RPS6KC1: variants seen among roughly 807,000 people sequenced by gnomAD.
The protein encoded by RPS6KC1 is inactive ribosomal protein S6 kinase delta-1.
Under a neutral mutation model 103.8 loss-of-function variants are expected in RPS6KC1, and 54 were observed. That is an observed-to-expected ratio of 0.52 (90% CI 0.42 to 0.65). The LOEUF (loss-of-function observed/expected upper bound fraction) is 0.65. RPS6KC1 is among the 30% of genes least tolerant of loss of function. The pLI is 0.00. For synonymous variants in RPS6KC1, 439 were observed against 438.7 expected (o/e 1.00, Z -0.01); for missense variants, 1,151 against 1,253.8 (o/e 0.92, Z 1.24).
At chr1:213,728,790 T>C in the RPS6KC1 span, among the ~76,000 whole-genome samples, 1 of 152,056 alleles carries the variant, frequency 6.6e-6, no homozygotes, top group African/African-American at 2.4e-5. Flanking sequence ...CTCCGCGCTC[T>C]TGGCTTTCCA....
intron 6 of RPS6KC1, among the ~76,000 whole-genome samples, chr1:213,157,312 A>G (rs1344160029): frequency 1.3e-5 from 2 of 150,398 alleles, no homozygotes; most frequent in African/African-American, 4.9e-5. Context: ...CTCCTGCCTC[A>G]TCTCCTGCCT....
intron 12 of RPS6KC1, among the ~76,000 whole-genome samples, chr1:213,244,388 A>G (rs2148966880): frequency 6.6e-6 from 1 of 152,294 alleles, no homozygotes; most frequent in South Asian, 2.1e-4. Flanking sequence ...CCATATAACA[A>G]AACAAAACCA....
chr1:213,603,478 T>G, the RPS6KC1 span, among the ~76,000 whole-genome samples: 1 of 152,196 alleles, frequency 6.6e-6, no homozygotes, highest in African/African-American at 2.4e-5. Flanking sequence ...TTTTTTATCC[T>G]TCCTAATTCC....
intron 1 of RPS6KC1, among the ~76,000 whole-genome samples, chr1:213,060,456 A>G (rs2077729323): frequency 6.6e-6 from 1 of 152,228 alleles, no homozygotes; most frequent in Non-Finnish European, 1.5e-5. Context: ...TTTTTGAAAA[A>G]TGGCTCTCAA....
intron 5 of RPS6KC1, among the ~76,000 whole-genome samples, chr1:213,126,474 A>C (rs1167369574): frequency 6.6e-6 from 1 of 152,142 alleles, no homozygotes; most frequent in African/African-American, 2.4e-5. Flanking sequence ...ACAGGGTGCC[A>C]AAGCAGCATC....
chr1:213,317,464 C>T, the RPS6KC1 span, among the ~76,000 whole-genome samples: 12 of 152,218 alleles, frequency 7.9e-5, no homozygotes, highest in Admixed American at 3.3e-4. Flanking sequence ...AGCTCTTTCA[C>T]GTCTCAAGGA....
the RPS6KC1 span, among the ~76,000 whole-genome samples, chr1:213,431,090 A>G: frequency 6.6e-6 from 1 of 152,166 alleles, no homozygotes; most frequent in African/African-American, 2.4e-5. Context: ...CTCAAGTCAA[A>G]AACTGTGTGG....
the RPS6KC1 span, among the ~76,000 whole-genome samples, chr1:213,681,217 C>T: frequency 6.6e-6 from 1 of 152,190 alleles, no homozygotes. Context: ...CCAACCATGT[C>T]TTGAATCTCA....
At chr1:213,517,583 G>C in the RPS6KC1 span, among the ~76,000 whole-genome samples, 26 of 152,154 alleles carry the variant, frequency 1.7e-4, no homozygotes, top group Admixed American at 9.2e-4. Flanking sequence ...ATTGCACTGT[G>C]GTCTGAGAGA....
At chr1:213,669,249 C>T in the RPS6KC1 span, among the ~76,000 whole-genome samples, 3 of 152,280 alleles carry the variant, frequency 2.0e-5, no homozygotes, top group East Asian at 5.8e-4. Flanking sequence ...AGACATGTTA[C>T]TCTTCCTTTC....
chr1:213,105,503 T>A (rs973393943), intron 4 of RPS6KC1, among the ~76,000 whole-genome samples: 1 of 150,676 alleles, frequency 6.6e-6, no homozygotes, highest in African/African-American at 2.5e-5. Flanking sequence ...CTACACAGAT[T>A]ATTTATTTAT....
chr1:213,056,479 A>G (rs555581842), intron 1 of RPS6KC1, among the ~76,000 whole-genome samples: 1 of 152,338 alleles, frequency 6.6e-6, no homozygotes, highest in African/African-American at 2.4e-5. Context: ...CCACAAGGGC[A>G]TTACTATAGT....
chr1:213,568,600 T>C, the RPS6KC1 span, among the ~76,000 whole-genome samples: 1 of 152,196 alleles, frequency 6.6e-6, no homozygotes, highest in African/African-American at 2.4e-5. Flanking sequence ...CAGGGCTAGG[T>C]ATTTGGTTAG....
At chr1:213,477,809 CCT>C in the RPS6KC1 span, among the ~76,000 whole-genome samples, 7 of 152,050 alleles carry the variant, frequency 4.6e-5, no homozygotes, top group African/African-American at 1.7e-4. Flanking sequence ...TGTATAATTC[CCT>C]CTGTCATTCA....
At chr1:213,374,775 G>A in the RPS6KC1 span, among the ~76,000 whole-genome samples, 1 of 152,170 alleles carries the variant, frequency 6.6e-6, no homozygotes, top group African/African-American at 2.4e-5. Context: ...GAGAAATGTG[G>A]CCTGAAGACC....
chr1:213,730,042 G>T, the RPS6KC1 span, among the ~76,000 whole-genome samples: 7 of 152,050 alleles, frequency 4.6e-5, no homozygotes, highest in African/African-American at 1.7e-4. Context: ...TTCTCTTCTG[G>T]CATTAGTTTG....
chr1:213,827,951 G>T, the RPS6KC1 span, among the ~76,000 whole-genome samples: 1 of 151,950 alleles, frequency 6.6e-6, no homozygotes, highest in East Asian at 1.9e-4. Flanking sequence ...AATGATGAAG[G>T]TTTCCATGCA....
the RPS6KC1 span, among the ~76,000 whole-genome samples, chr1:213,668,388 C>T: frequency 7.7e-6 from 1 of 129,946 alleles, no homozygotes; most frequent in Admixed American, 8.0e-5. Context: ...CTGAAAGAAC[C>T]TTCCCCCCGC....
the RPS6KC1 span, among the ~76,000 whole-genome samples, chr1:213,620,040 G>A: frequency 3.3e-5 from 5 of 152,276 alleles, 1 homozygote; most frequent in African/African-American, 7.2e-5. Flanking sequence ...ATAGCCGTAC[G>A]TAAGTAGAAG....
Sources: allele counts gnomAD v4.1 joint callset (sites outside exome capture counted in the v4.1 genomes callset), GRCh38; gene constraint gnomAD v4.1.1; transcripts MANE v1.5; gene names NCBI Gene and HGNC (gene_info 2026-07-23, HGNC 2026-07-21).